SDK1: variants seen among roughly 807,000 people sequenced by gnomAD.
The protein encoded by SDK1 is sidekick cell adhesion molecule 1.
A neutral mutation model predicts 245.5 loss-of-function variants in SDK1; 157 were observed. The observed-to-expected ratio is 0.64, with a 90% CI of 0.56 to 0.73. The LOEUF is 0.73. Ranked by LOEUF, SDK1 falls within the 30% of genes least tolerant of loss-of-function variation. The pLI, the probability that SDK1 is intolerant of heterozygous loss-of-function variation, is 0.00. For synonymous variants in SDK1, 1,647 were observed against 1,278.5 expected, an observed-to-expected ratio of 1.29 and a Z score of -6.15; for missense variants, 3,583 against 3,002.3, an observed-to-expected ratio of 1.19 and a Z score of -4.52.
intron 1 of SDK1, among the ~76,000 whole-genome samples, chr7:3,510,490 T>C (rs544099499): frequency 6.6e-6 from 1 of 152,166 alleles, no homozygotes; most frequent in Non-Finnish European, 1.5e-5. Flanking sequence ...AGGCATGGGA[T>C]TTATTTAATG....
intron 1 of SDK1, among the ~76,000 whole-genome samples, chr7:3,610,242 C>A (rs1006625194): frequency 2.0e-5 from 3 of 152,166 alleles, no homozygotes; most frequent in Non-Finnish European, 2.9e-5. Context: ...CGTAAACTCA[C>A]CAGCAAACAG....
chr7:4,082,108 C>T (rs970002339), intron 22 of SDK1, among the ~76,000 whole-genome samples: 3 of 151,968 alleles, frequency 2.0e-5, no homozygotes, highest in Non-Finnish European at 4.4e-5. Context: ...GGTTACTTAC[C>T]GTGGGGGTGA....
At chr7:3,776,617 C>T (rs970312910) in intron 4 of SDK1, among the ~76,000 whole-genome samples, 1 of 152,112 alleles carries the variant, frequency 6.6e-6, no homozygotes, top group African/African-American at 2.4e-5. Flanking sequence ...GGAGGTTAAG[C>T]TGTCACTCTG....
At chr7:4,095,084 T>C (rs866819484) in intron 22 of SDK1, among the ~76,000 whole-genome samples, 1 of 151,920 alleles carries the variant, frequency 6.6e-6, no homozygotes, top group Admixed American at 6.6e-5. Context: ...ACAGCAGAGG[T>C]CAGAGTTCCA....
intron 1 of SDK1, among the ~76,000 whole-genome samples, chr7:3,587,752 G>C (rs1221464920): frequency 2.0e-5 from 3 of 152,238 alleles, no homozygotes; most frequent in African/African-American, 7.2e-5. Context: ...GCCCACTCAA[G>C]TTGACAAAAG....
At chr7:3,400,535 A>G (rs907865450) in intron 1 of SDK1, among the ~76,000 whole-genome samples, 2 of 152,172 alleles carry the variant, frequency 1.3e-5, no homozygotes, top group African/African-American at 4.8e-5. Flanking sequence ...ATGTACTTAT[A>G]AATACATAAA....
chr7:4,066,459 G>T (rs548500492), intron 19 of SDK1, among the ~76,000 whole-genome samples: 1 of 152,132 alleles, frequency 6.6e-6, no homozygotes, highest in Non-Finnish European at 1.5e-5. Flanking sequence ...CTCGTAAGAC[G>T]CCAGCCTCCC....
intron 20 of SDK1, among the ~76,000 whole-genome samples, chr7:4,074,641 G>A (rs554592242): frequency 9.2e-5 from 14 of 151,780 alleles, no homozygotes; most frequent in Non-Finnish European, 1.3e-4. Flanking sequence ...TGGGAGGATC[G>A]CTTGATACCA....
intron 4 of SDK1, among the ~76,000 whole-genome samples, chr7:3,759,915 T>C (rs924116596): frequency 1.3e-5 from 2 of 152,160 alleles, no homozygotes; most frequent in Admixed American, 1.3e-4. Context: ...TTTTAAGTTG[T>C]CCGCATTCTT....
At chr7:3,666,060 C>G (rs1042190944) in intron 4 of SDK1, among the ~76,000 whole-genome samples, 1 of 152,200 alleles carries the variant, frequency 6.6e-6, no homozygotes, top group Non-Finnish European at 1.5e-5. Context: ...TAGATTCCTG[C>G]AGGAAATCTC....
chr7:3,357,461 C>G (rs1441556065), intron 1 of SDK1, among the ~76,000 whole-genome samples: 1 of 149,316 alleles, frequency 6.7e-6, no homozygotes, highest in African/African-American at 2.5e-5. Flanking sequence ...GGTGATCTTC[C>G]CACCTCAGTC....
chr7:3,466,534 G>C (rs541522314), intron 1 of SDK1, among the ~76,000 whole-genome samples: 1 of 149,514 alleles, frequency 6.7e-6, no homozygotes, highest in Admixed American at 6.7e-5. Context: ...AGTAAGCTCA[G>C]CCTTGCACTG....
intron 1 of SDK1, among the ~76,000 whole-genome samples, chr7:3,518,966 A>T (rs1782840234): frequency 2.4e-5 from 2 of 81,976 alleles, no homozygotes; most frequent in Admixed American, 1.5e-4. Context: ...TTCAGCCATA[A>T]AAAAAAAAAG....
intron 22 of SDK1, among the ~76,000 whole-genome samples, chr7:4,083,014 A>T (rs140702851): frequency 6.6e-6 from 1 of 152,240 alleles, no homozygotes; most frequent in African/African-American, 2.4e-5. Context: ...TGATAAAAGT[A>T]GGATTCACGC....
intron 4 of SDK1, chr7:3,643,297 C>A (rs10951266): frequency 3.4e-5 from 5 of 148,450 alleles, no homozygotes; most frequent in African/African-American, 1.0e-4. Context: ...CCCTAAACCT[C>A]GTGATTCTCA....
At chr7:3,386,451 A>G (rs918367059) in intron 1 of SDK1, among the ~76,000 whole-genome samples, 3 of 152,212 alleles carry the variant, frequency 2.0e-5, no homozygotes, top group Admixed American at 1.3e-4. Context: ...AATCATTTCA[A>G]AACACACTCA....
chr7:3,545,685 T>A (rs2128621632), intron 1 of SDK1, among the ~76,000 whole-genome samples: 1 of 152,274 alleles, frequency 6.6e-6, no homozygotes, highest in African/African-American at 2.4e-5. Context: ...TGGTTCAGCA[T>A]TTTACCAGGC....
At chr7:3,578,650 G>A (rs1293194740) in intron 1 of SDK1, among the ~76,000 whole-genome samples, 2 of 151,740 alleles carry the variant, frequency 1.3e-5, no homozygotes, top group African/African-American at 4.8e-5. Context: ...TTATCTTAGG[G>A]TCTTAATATT....
At chr7:4,051,904 G>A (rs996039660) in intron 19 of SDK1, 74 bp downstream of exon 19, 1 of 1,402,834 alleles carries the variant, frequency 7.1e-7, no homozygotes, top group African/African-American at 1.4e-5. Flanking sequence ...TCCAGAATCA[G>A]GCAAGGGCAG....
Sources: gnomAD v4.1 joint callset for allele counts (sites outside exome capture counted in the v4.1 genomes callset) on GRCh38, gnomAD v4.1.1 for gene constraint, MANE v1.5 for transcripts, NCBI Gene and HGNC (gene_info 2026-07-23, HGNC 2026-07-21) for gene names.